The following ROBO2 variants were observed in gnomAD, a reference collection of about 807,000 sequenced individuals.
The protein encoded by ROBO2 is roundabout guidance receptor 2.
ROBO2 carries 53 observed loss-of-function variants against 160.8 expected under a neutral mutation model. The observed-to-expected ratio is 0.33, with a 90% CI of 0.26 to 0.41. The LOEUF is 0.41. ROBO2 is among the 10% of genes least tolerant of loss of function. ROBO2 has a pLI of 1.00. For missense variants in ROBO2, 1,577 were observed against 1,722.4 expected, an observed-to-expected ratio of 0.92 and a Z score of 1.49; for synonymous variants, 664 against 611.7, an observed-to-expected ratio of 1.09 and a Z score of -1.26.
intron 2 of ROBO2, among the ~76,000 whole-genome samples, chr3:76,324,597 T>C (rs909082414): frequency 1.3e-5 from 2 of 152,126 alleles, no homozygotes; most frequent in African/African-American, 4.8e-5. Context: ...TGTGTGTAGA[T>C]TCAAAACATG....
intron 8 of ROBO2, among the ~76,000 whole-genome samples, chr3:77,557,339 C>T (rs1007750527): frequency 2.6e-5 from 4 of 151,752 alleles, no homozygotes; most frequent in African/African-American, 9.7e-5. Context: ...TCAAATCATC[C>T]AAATGATATG....
At chr3:76,037,152 A>G (rs148985988) in intron 2 of ROBO2, among the ~76,000 whole-genome samples, 1 of 151,948 alleles carries the variant, frequency 6.6e-6, no homozygotes, top group African/African-American at 2.4e-5. Flanking sequence ...ATAATTCAGA[A>G]TTATTTACTC....
intron 2 of ROBO2, among the ~76,000 whole-genome samples, chr3:76,809,239 A>T (rs1388914168): frequency 1.3e-5 from 2 of 152,090 alleles, no homozygotes; most frequent in African/African-American, 4.8e-5. Context: ...ACTGGGGAAA[A>T]GTCTTCTTCA....
intron 6 of ROBO2, among the ~76,000 whole-genome samples, chr3:77,526,288 G>T (rs2153630949): frequency 6.6e-6 from 1 of 151,606 alleles, no homozygotes. Flanking sequence ...TCTGTTAAGT[G>T]AATATGTGTA....
At chr3:77,057,921 C>T (rs1392561956) in intron 1 of ROBO2, among the ~76,000 whole-genome samples, 1 of 151,774 alleles carries the variant, frequency 6.6e-6, no homozygotes, top group African/African-American at 2.4e-5. Flanking sequence ...ATCAAACCAC[C>T]ATGACACATG....
At chr3:77,373,606 G>A (rs1207521901) in intron 2 of ROBO2, among the ~76,000 whole-genome samples, 1 of 152,078 alleles carries the variant, frequency 6.6e-6, no homozygotes, top group Admixed American at 6.5e-5. Flanking sequence ...AGAGCATCAT[G>A]CCAAGTGAAT....
chr3:76,976,980 T>C (rs1428372091), intron 2 of ROBO2, among the ~76,000 whole-genome samples: 2 of 152,204 alleles, frequency 1.3e-5, no homozygotes, highest in Non-Finnish European at 2.9e-5. Flanking sequence ...TGCTGTTGAG[T>C]AATACAGTGT....
At chr3:77,443,093 T>C (rs1185494441) in intron 2 of ROBO2, among the ~76,000 whole-genome samples, 1 of 152,192 alleles carries the variant, frequency 6.6e-6, no homozygotes, top group African/African-American at 2.4e-5. Flanking sequence ...TTAGAGACTT[T>C]AGCGAAATAC....
intron 2 of ROBO2, among the ~76,000 whole-genome samples, chr3:75,964,308 G>T (rs1949029512): frequency 6.6e-6 from 1 of 151,728 alleles, no homozygotes. Context: ...ATTGGAATGT[G>T]CAGGAACAAG....
intron 2 of ROBO2, among the ~76,000 whole-genome samples, chr3:76,365,528 A>G (rs2075766248): frequency 6.6e-6 from 1 of 152,062 alleles, no homozygotes; most frequent in Non-Finnish European, 1.5e-5. Context: ...GATGAATAGC[A>G]ATTTAGACCT....
intron 5 of ROBO2, among the ~76,000 whole-genome samples, chr3:77,511,503 A>G (rs2089391272): frequency 6.6e-6 from 1 of 151,818 alleles, no homozygotes; most frequent in Non-Finnish European, 1.5e-5. Context: ...TAAATCAACT[A>G]TTGTCCTGTT....
chr3:75,911,708 C>T (rs1371570967), intron 1 of ROBO2, among the ~76,000 whole-genome samples: 1 of 151,708 alleles, frequency 6.6e-6, no homozygotes, highest in Admixed American at 6.6e-5. Context: ...CAGGCGCACG[C>T]CACCATGCCC....
chr3:76,098,499 C>T (rs2069545469), intron 2 of ROBO2, among the ~76,000 whole-genome samples: 1 of 151,856 alleles, frequency 6.6e-6, no homozygotes. Context: ...AATCATTATG[C>T]AAATCAACTT....
At chr3:76,220,979 G>A (rs775990534) in intron 2 of ROBO2, among the ~76,000 whole-genome samples, 6 of 152,150 alleles carry the variant, frequency 3.9e-5, no homozygotes, top group Non-Finnish European at 5.9e-5. Flanking sequence ...CCTGGATTTG[G>A]TTGTTTTAGT....
At chr3:76,707,731 G>GTATATATATATATA (rs56401900) in intron 2 of ROBO2, among the ~76,000 whole-genome samples, 22 of 134,184 alleles carry the variant, frequency 1.6e-4, no homozygotes, top group South Asian at 2.5e-4. Context: ...ACATGTGTGT[G>GTATATATATATATA]TATATATATA....
chr3:77,004,407 A>G (rs1332685306), intron 2 of ROBO2, among the ~76,000 whole-genome samples: 1 of 152,192 alleles, frequency 6.6e-6, no homozygotes, highest in Non-Finnish European at 1.5e-5. Flanking sequence ...GTTGAGTAAT[A>G]GTTCAGGATT....
rs1274450046 is a variant in ROBO2, at chr3:77,577,485, T to C, written c.2204-5T>C. 1.2e-6 allele frequency: 2 copies of C among 1,613,264 alleles called. No homozygotes were observed. On this transcript the variant is annotated splice_polypyrimidine_tract_variant and splice_region_variant and intron_variant, in intron 14 of 25. Coordinates refer to ENST00000461745, the Ensembl canonical transcript of ROBO2. ...TTGCATTTATTCTAATTACTTCCTC[T>C]ACAGCCCCAAGTGCCCCACCACAGT...
intron 2 of ROBO2, among the ~76,000 whole-genome samples, chr3:76,280,312 A>G (rs946727752): frequency 1.6e-4 from 25 of 152,016 alleles, no homozygotes; most frequent in African/African-American, 5.8e-4. Context: ...GTATCTGGAG[A>G]TAGGGTCTTC....
intron 2 of ROBO2, among the ~76,000 whole-genome samples, chr3:76,404,876 A>G (rs1176860306): frequency 1.3e-5 from 2 of 151,690 alleles, no homozygotes; most frequent in African/African-American, 4.8e-5. Context: ...GTATGTGAAA[A>G]TGAGAATGGG....
Sources: allele counts gnomAD v4.1 joint callset (sites outside exome capture counted in the v4.1 genomes callset), GRCh38; gene constraint gnomAD v4.1.1; transcripts MANE v1.5; gene names NCBI Gene and HGNC (gene_info 2026-07-23, HGNC 2026-07-21).